ZNRF3: variants seen among roughly 807,000 people sequenced by gnomAD.
ZNRF3 encodes the protein zinc and ring finger 3.
Under a neutral mutation model 72.5 loss-of-function variants are expected in ZNRF3, and 23 were observed. The observed-to-expected ratio is 0.32, with a 90% CI of 0.23 to 0.45. The LOEUF (loss-of-function observed/expected upper bound fraction) is 0.45, where lower values mean the gene tolerates loss of function less well. Ranked by LOEUF, ZNRF3 falls within the 20% of genes least tolerant of loss-of-function variation. The pLI, the probability that ZNRF3 is intolerant of heterozygous loss-of-function variation, is 1.00. For missense variants in ZNRF3, 1,169 were observed against 1,272.1 expected (o/e 0.92, Z 1.23); for synonymous variants, 610 against 545.3 (o/e 1.12, Z -1.65).
In ZNRF3 at chr22:29,053,776, C is replaced by A. The variant is rs2037252630; in HGVS notation, c.*154C>A. ...CTCCTTGTCAACCCAAAATGTGAGC[C>A]CCCTGTGGCAAAACCACCCCCTACC... On this transcript the variant is annotated 3_prime_UTR_variant, in exon 9 of 9. Transcript: ENST00000544604. The A allele has an allele frequency of 1.5e-6, 1 of 674,762 alleles. No individual in the cohort carries two copies. The highest frequency in any genetic ancestry group is 2.4e-6 in the Non-Finnish European group (1 of 413,082). The allele number at this position is 674,762 out of a possible 1,614,324, so 41.8% of individuals were successfully genotyped here. A position where few individuals can be genotyped will look rare whatever the true frequency, so the allele number is the denominator to read the frequency against.
intron 1 of ZNRF3, among the ~76,000 whole-genome samples, chr22:28,965,098 C>G (rs749370774): frequency 7.2e-5 from 11 of 152,134 alleles, no homozygotes; most frequent in Admixed American, 3.3e-4. Context: ...CCGAGGGCAA[C>G]CAGCAAAGCT....
chr22:28,992,276 A>G (rs947409083), intron 2 of ZNRF3, among the ~76,000 whole-genome samples: 1 of 150,248 alleles, frequency 6.7e-6, no homozygotes, highest in Non-Finnish European at 1.5e-5. Context: ...TTAGTTCCAC[A>G]TAATAGAAAC....
At chr22:28,885,553 T>C (rs2033766789) in intron 1 of ZNRF3, among the ~76,000 whole-genome samples, 1 of 148,398 alleles carries the variant, frequency 6.7e-6, no homozygotes, top group Non-Finnish European at 1.5e-5. Flanking sequence ...TTTCATTGTG[T>C]CCTGATGGTT....
At chr22:29,045,491 A>C (rs1170759178) in intron 5 of ZNRF3, among the ~76,000 whole-genome samples, 1 of 151,660 alleles carries the variant, frequency 6.6e-6, no homozygotes, top group African/African-American at 2.4e-5. Context: ...TGTTTATTTT[A>C]TTTTTTTATT....
intron 2 of ZNRF3, among the ~76,000 whole-genome samples, chr22:28,998,927 T>C (rs376434515): frequency 2.6e-5 from 4 of 152,098 alleles, no homozygotes; most frequent in African/African-American, 9.6e-5. Context: ...ACTGTCCCCA[T>C]CCATTGAACC....
chr22:28,896,354 C>T (rs1048693693), intron 1 of ZNRF3, among the ~76,000 whole-genome samples: 7 of 152,104 alleles, frequency 4.6e-5, no homozygotes, highest in African/African-American at 1.2e-4. Flanking sequence ...AGGATGGTCT[C>T]GATCTCTTGA....
intron 1 of ZNRF3, among the ~76,000 whole-genome samples, chr22:28,898,103 C>T (rs191168095): frequency 1.9e-3 from 293 of 152,196 alleles, no homozygotes; most frequent in African/African-American, 6.3e-3. Context: ...CACACCACCA[C>T]GCCTGGCTAA....
chr22:29,004,576 G>T (rs891284819), intron 2 of ZNRF3, among the ~76,000 whole-genome samples: 1 of 152,206 alleles, frequency 6.6e-6, no homozygotes, highest in Non-Finnish European at 1.5e-5. Flanking sequence ...GAAGGAAGGA[G>T]CTCTGACCAG....
rs557618596 is a variant in ZNRF3, at chr22:28,927,895, A to G, written c.300+43829A>G. Among the ~76,000 whole-genome samples the G allele has an allele frequency of 2.7e-4, 41 of 152,338 alleles. No individual in the cohort carries two copies. The East Asian group carries it at 7.5e-3, about 28-fold the overall frequency. On this transcript the variant is annotated intron_variant, in intron 1 of 8. Coordinates refer to ENST00000544604, the MANE Select transcript of ZNRF3 (RefSeq NM_001206998.2). Reference sequence around the variant, plus strand: ...TTTGCATTGGGCTCCTATGGCTTCCAGGATGCCAAGAGCTGTGACTTTAGC... The same window carrying G: ...TTTGCATTGGGCTCCTATGGCTTCCGGGATGCCAAGAGCTGTGACTTTAGC...
intron 1 of ZNRF3, among the ~76,000 whole-genome samples, chr22:28,937,174 AATATATATAT>A (rs61520434): frequency 0.012 from 924 of 78,196 alleles, 4 homozygotes; most frequent in African/African-American, 0.015. Context: ...TCTCTCTTAT[AATATATATAT>A]ATATATATAT....
intron 1 of ZNRF3, among the ~76,000 whole-genome samples, chr22:28,957,800 G>A (rs1412274176): frequency 2.0e-5 from 3 of 152,150 alleles, no homozygotes; most frequent in Non-Finnish European, 2.9e-5. Flanking sequence ...TCTTGAGACT[G>A]TACCGTGATT....
In ZNRF3 at chr22:29,032,562, G is replaced by A. The variant is rs530891681; in HGVS notation, c.427-9933G>A. Among the ~76,000 whole-genome samples the A allele has an allele frequency of 5.9e-5, 9 of 152,342 alleles. No homozygotes were observed. The South Asian group carries it at 6.2e-4, about 11-fold the overall frequency. ...CCGAATCCTGAGAATCTTAAAGTGC[G>A]AAGAATATTATGTTCCAAGAAAATT... On this transcript the variant is annotated intron_variant, in intron 2 of 8. Transcript: ENST00000544604.
intron 1 of ZNRF3, among the ~76,000 whole-genome samples, chr22:28,915,090 G>T (rs2034386018): frequency 6.6e-6 from 1 of 152,150 alleles, no homozygotes; most frequent in Non-Finnish European, 1.5e-5. Context: ...CTTGGTTCTG[G>T]TTCTGTCTTC....
At chr22:28,930,123 G>T (rs2034678568) in intron 1 of ZNRF3, among the ~76,000 whole-genome samples, 1 of 151,768 alleles carries the variant, frequency 6.6e-6, no homozygotes, top group South Asian at 2.1e-4. Flanking sequence ...TTCCAAAGTT[G>T]CACTTAGCTC....
At chr22:28,934,634 G>A (rs529942285) in intron 1 of ZNRF3, among the ~76,000 whole-genome samples, 1 of 152,018 alleles carries the variant, frequency 6.6e-6, no homozygotes, top group South Asian at 2.1e-4. Context: ...CCTGGCCAAC[G>A]TGGTGAAACC....
Position 29,050,030 on chromosome 22 carries a change from G to T in ZNRF3, c.1849G>T (p.Gly617Cys). 9.9e-6 allele frequency: 16 copies of T among 1,610,024 alleles called. No individual in the cohort carries two copies. Among genetic ancestry groups the T allele is most frequent in the Non-Finnish European group, 1.4e-5 (16 of 1,178,648 alleles). ...ASEAGGSGSS[G>C]RGPALCFEGS... The stretch of plus-strand genomic sequence containing the variant: ...TGAGGCGGGGGGCTCGGGCAGCTCG[G>T]GCCGGGGACCTGCCCTGTGCTTCGA... Residue 617 changes from glycine to cysteine, a missense_variant, in exon 8 of 9, where the codon GGC (glycine) becomes TGC (cysteine). By Grantham distance (159) the Gly-to-Cys change is radical. Transcript: ENST00000544604.
chr22:28,977,217 G>T (rs1465454469), intron 1 of ZNRF3, among the ~76,000 whole-genome samples: 1 of 152,182 alleles, frequency 6.6e-6, no homozygotes, highest in Admixed American at 6.5e-5. Flanking sequence ...TCTTCAGGCC[G>T]TTCCCAGCTG....
rs562767015 is a variant in ZNRF3, at chr22:28,883,637, C to T, written c.-130C>T. On this transcript the variant is annotated 5_prime_UTR_variant, in exon 1 of 9. Coordinates refer to ENST00000544604, the MANE Select transcript of ZNRF3 (RefSeq NM_001206998.2). The surrounding 1 kb of genome is among the most constrained non-coding windows in gnomAD (Gnocchi z 5.5). The stretch of plus-strand genomic sequence containing the variant: ...GACGGCCGGGGGAGCCGAGCTGAGC[C>T]TGCGACCCACAAAGCCGCCGCCGCC... 2.1e-5 allele frequency: 19 copies of T among 910,366 alleles called. No individual in the cohort carries two copies. The African/African-American group carries it at 2.5e-4, about 12-fold the overall frequency. The allele number at this position is 910,366 out of a possible 1,614,324, so 56.4% of individuals were successfully genotyped here.
At chr22:28,997,825 C>T (rs1430240530) in intron 2 of ZNRF3, among the ~76,000 whole-genome samples, 3 of 151,016 alleles carry the variant, frequency 2.0e-5, no homozygotes, top group South Asian at 2.1e-4. Flanking sequence ...GGGCAACAAG[C>T]GAGAACTCAT....
Sources: allele counts gnomAD v4.1 joint callset (sites outside exome capture counted in the v4.1 genomes callset), GRCh38; gene constraint gnomAD v4.1.1; non-coding constraint Gnocchi (gnomAD v3.1); transcripts MANE v1.5; gene names NCBI Gene and HGNC (gene_info 2026-07-23, HGNC 2026-07-21).